SPAM1: variants seen among roughly 807,000 people sequenced by gnomAD.
The protein encoded by SPAM1 is hyaluronidase PH-20.
SPAM1 carries 22 observed loss-of-function variants against 29.6 expected under a neutral mutation model. The observed-to-expected ratio is 0.74, with a 90% CI of 0.53 to 1.06. The LOEUF is 1.06. Among genes scored for constraint, SPAM1 ranks in the 50% least tolerant of loss-of-function variants. SPAM1 has a pLI of 0.00. For synonymous variants in SPAM1, 194 were observed against 204.6 expected (o/e 0.95, Z 0.44); for missense variants, 534 against 604.0 (o/e 0.88, Z 1.21).
intron 5 of SPAM1, among the ~76,000 whole-genome samples, chr7:123,968,094 C>G (rs956733754): frequency 2.6e-5 from 4 of 151,940 alleles, no homozygotes; most frequent in Non-Finnish European, 5.9e-5. Context: ...TGGCTTTGCT[C>G]AGGAAAGAAT....
At chr7:123,969,812 T>C (rs1792474409) in intron 5 of SPAM1, among the ~76,000 whole-genome samples, 1 of 151,974 alleles carries the variant, frequency 6.6e-6, no homozygotes, top group Non-Finnish European at 1.5e-5. Context: ...ATTTTAAGAT[T>C]TTTTCTTCTA....
At chr7:123,956,187 A>G (rs892712254) in intron 4 of SPAM1, among the ~76,000 whole-genome samples, 9 of 151,934 alleles carry the variant, frequency 5.9e-5, no homozygotes, top group African/African-American at 1.7e-4. Flanking sequence ...CTCTCAAATC[A>G]TCTTCAGTAT....
intron 1 of SPAM1, among the ~76,000 whole-genome samples, chr7:123,948,305 G>T (rs570355401): frequency 6.6e-6 from 1 of 152,232 alleles, no homozygotes; most frequent in South Asian, 2.1e-4. Flanking sequence ...CAGCCTTTGG[G>T]TTGGACTTAT....
At chr7:123,930,280 T>C (rs1388279918) in intron 1 of SPAM1, among the ~76,000 whole-genome samples, 2 of 152,162 alleles carry the variant, frequency 1.3e-5, no homozygotes, top group African/African-American at 4.8e-5. Flanking sequence ...GGATTCATCA[T>C]TTGGCCATTG....
At chr7:123,960,055 G>A (rs1792338036), downstream of SPAM1, 1 of 1,498,218 alleles carries the variant, frequency 6.7e-7, no homozygotes, top group Admixed American at 2.3e-5. Context: ...AACAGCTCTT[G>A]TTGAAAGATC....
In SPAM1 at chr7:123,937,596, C is replaced by CAAA. The variant is rs5887154; in HGVS notation, c.-318-12257_-318-12255dup. Among the ~76,000 whole-genome samples the CAAA allele has an allele frequency of 8.5e-4, 73 of 85,688 alleles. 3 individuals carry two copies. Among genetic ancestry groups the CAAA allele is most frequent in the Admixed American group, 2.0e-3 (15 of 7,400 alleles). The allele number at this position is 85,688 out of a possible 152,430, so 56.2% of individuals were successfully genotyped here. On this transcript the variant is annotated intron_variant, in intron 1 of 4. Coordinates refer to ENST00000682466, the MANE Select transcript of SPAM1 (RefSeq NM_153189.3). The stretch of plus-strand genomic sequence containing the variant: ...AGCCTGGGCAACAGAGACTCCATCT[C>CAAA]AAAAAAAAAAAAAAAAAAAAAGACG...
At chr7:123,970,923 A>G (rs1293833601) in intron 6 of SPAM1, 2 of 152,084 alleles carry the variant, frequency 1.3e-5, no homozygotes, top group Non-Finnish European at 2.9e-5. Flanking sequence ...TAAGGAATAC[A>G]GTTTTGAACT....
chr7:123,954,864 A>G, intron 3 of SPAM1, 133 bp from the exon 4 acceptor site: 2 of 648,864 alleles, frequency 3.1e-6, no homozygotes, highest in South Asian at 3.8e-5. Context: ...ATGGCTGTGT[A>G]AGAGATAGAA....
At chr7:123,968,311 G>A (rs1792454802) in intron 5 of SPAM1, among the ~76,000 whole-genome samples, 3 of 152,058 alleles carry the variant, frequency 2.0e-5, no homozygotes. Context: ...TGAGCTATTG[G>A]CATGGAAAGA....
chr7:123,952,100 T>C (rs964602095), intron 2 of SPAM1, among the ~76,000 whole-genome samples: 8 of 152,128 alleles, frequency 5.3e-5, no homozygotes, highest in African/African-American at 1.9e-4. Flanking sequence ...AAGCAATTAG[T>C]TTTTCCCCCT....
rs75168651 is a variant in SPAM1, at chr7:123,959,791, A to T, written c.1352A>T (p.Asp451Val). The change falls in exon 5 of 5, where the codon GAC becomes GTC. Residue 451 changes from aspartate (D) to valine (V), a missense_variant. Coordinates refer to ENST00000682466, the MANE Select transcript of SPAM1 (RefSeq NM_153189.3). ...TGTAAGGAGAAAGCTGATGTAAAAG[A>T]CACTGATGCTGTTGATGTGTGTATT... Reference protein sequence around the residue: ...LSCKEKADVKDTDAVDVCIAD... With the variant: ...LSCKEKADVKVTDAVDVCIAD... The T allele has an allele frequency of 0.016, 25,437 of 1,613,244 alleles. 227 individuals carry two copies. Among genetic ancestry groups the T allele is most frequent in the Non-Finnish European group, 0.019 (22,517 of 1,179,546 alleles).
chr7:123,948,575 G>A (rs2117050764), intron 1 of SPAM1, among the ~76,000 whole-genome samples: 1 of 152,232 alleles, frequency 6.6e-6, no homozygotes, highest in Non-Finnish European at 1.5e-5. Context: ...AATGGAGACT[G>A]AGGAGGTGCC....
At chr7:123,967,952 T>G (rs1159404300) in intron 5 of SPAM1, among the ~76,000 whole-genome samples, 1 of 151,702 alleles carries the variant, frequency 6.6e-6, no homozygotes, top group African/African-American at 2.4e-5. Flanking sequence ...GTATTAGGGA[T>G]AGAGAGAAAA....
At chr7:123,942,013 T>C (rs529055572) in intron 1 of SPAM1, among the ~76,000 whole-genome samples, 62 of 152,192 alleles carry the variant, frequency 4.1e-4, no homozygotes, top group African/African-American at 1.4e-3. Flanking sequence ...TACTGGAAAA[T>C]TGATATAGGC....
chr7:123,958,826 T>C (rs1352894883), intron 4 of SPAM1, among the ~76,000 whole-genome samples: 2 of 151,682 alleles, frequency 1.3e-5, no homozygotes, highest in African/African-American at 4.8e-5. Context: ...AGTAAGACTT[T>C]GTCTCAGGAA....
At chr7:123,950,922 T>A (rs79532138) in intron 2 of SPAM1, among the ~76,000 whole-genome samples, 2,374 of 151,890 alleles carry the variant, frequency 0.016, 55 homozygotes, top group African/African-American at 0.054. Context: ...CATGACAACA[T>A]TTTTTTTGAC....
exon 6 of SPAM1, chr7:123,970,287 T>A: frequency 6.5e-7 from 1 of 1,545,570 alleles, no homozygotes; most frequent in Non-Finnish European, 8.7e-7. Flanking sequence ...CCTCTTCCCT[T>A]GGCTTACAGG....
Position 123,959,734 on chromosome 7 carries a change from A to C in SPAM1, c.1295A>C (p.Lys432Thr), listed in dbSNP as rs536451984. ...GAAGACCTGGAGCAATTTTCTGAAA[A>C]ATTTTATTGCAGCTGTTATAGCACC... ...TLEDLEQFSE[K>T]FYCSCYSTLS... The change falls in exon 5 of 5, where the codon AAA (lysine) becomes ACA (threonine). Residue 432 changes from lysine to threonine, a missense_variant. By Grantham distance (78) the Lys-to-Thr change is moderately conservative. Transcript: ENST00000682466. 3.7e-6 allele frequency: 6 copies of C among 1,613,290 alleles called. No homozygotes were observed. The South Asian group carries it at 5.5e-5, about 15-fold the overall frequency.
intron 5 of SPAM1, among the ~76,000 whole-genome samples, chr7:123,968,797 G>A (rs913568872): frequency 2.0e-5 from 3 of 152,126 alleles, no homozygotes; most frequent in Middle Eastern, 3.4e-3. Flanking sequence ...TAACTTGTCC[G>A]TGCCTTTGTT....
Sources: gnomAD v4.1 joint callset for allele counts (sites outside exome capture counted in the v4.1 genomes callset) on GRCh38, gnomAD v4.1.1 for gene constraint, MANE v1.5 for transcripts, NCBI Gene and HGNC (gene_info 2026-07-23, HGNC 2026-07-21) for gene names.